Variants in EDNRB observed in about 807,000 individuals in gnomAD.
EDNRB encodes Hirschsprung disease 2.
A neutral mutation model predicts 46.4 loss-of-function variants in EDNRB; 18 were observed. The observed-to-expected ratio is 0.39, with a 90% CI of 0.27 to 0.57. The LOEUF (loss-of-function observed/expected upper bound fraction) is 0.57. Ranked by LOEUF, EDNRB falls within the 20% of genes least tolerant of loss-of-function variation. The pLI, the probability that EDNRB is intolerant of heterozygous loss-of-function variation, is 0.61. For missense variants in EDNRB, 434 were observed against 537.5 expected (o/e 0.81, Z 1.90); for synonymous variants, 213 against 204.9 (o/e 1.04, Z -0.34).
intron 1 of EDNRB, among the ~76,000 whole-genome samples, chr13:77,938,176 T>G (rs1015782120): frequency 1.4e-4 from 21 of 151,772 alleles, no homozygotes; most frequent in African/African-American, 5.1e-4. Context: ...TTGCCCATAG[T>G]GAAGGAGGCA....
At chr13:77,954,747 T>A (rs571690089) in intron 1 of EDNRB, among the ~76,000 whole-genome samples, 23 of 152,246 alleles carry the variant, frequency 1.5e-4, no homozygotes, top group African/African-American at 5.5e-4. Context: ...CCTCAGGTAG[T>A]CCACCTGCCT....
At chr13:77,932,797 C>A (rs1458158404) in intron 1 of EDNRB, among the ~76,000 whole-genome samples, 1 of 152,136 alleles carries the variant, frequency 6.6e-6, no homozygotes, top group African/African-American at 2.4e-5. Flanking sequence ...TCTTTCAATC[C>A]CATTTTAAAC....
In EDNRB at chr13:77,910,934, T is replaced by A. The variant is rs77635057; in HGVS notation, c.483+7157A>T. ...AACATAGAGATAGAAAACAATTTTT[T>A]AAAAATATTTCTTAAGAGAAATTGA... On this transcript the variant is annotated intron_variant, in intron 1 of 6. Coordinates refer to ENST00000646607, the MANE Select transcript of EDNRB (RefSeq NM_001122659.3). 6.9e-3 allele frequency among the ~76,000 whole-genome samples: 1,046 copies of A among 152,180 alleles called. 14 individuals are homozygous for A. The highest frequency in any genetic ancestry group is 0.024 in the African/African-American group (987 of 41,542).
At chr13:77,943,142 A>C (rs12720150) in intron 1 of EDNRB, among the ~76,000 whole-genome samples, 2,210 of 152,244 alleles carry the variant, frequency 0.015, 46 homozygotes, top group East Asian at 0.024. Flanking sequence ...TTTGATTTAA[A>C]TTGCCTGAAA....
At chr13:77,952,861 C>T (rs899416742) in intron 1 of EDNRB, among the ~76,000 whole-genome samples, 2 of 152,134 alleles carry the variant, frequency 1.3e-5, no homozygotes, top group African/African-American at 2.4e-5. Flanking sequence ...GCCTTGACCC[C>T]AGGCAAACTG....
At chr13:77,900,739 T>C in intron 4 of EDNRB, 85 bp from the exon 5 acceptor site, 1 of 1,580,366 alleles carries the variant, frequency 6.3e-7, no homozygotes, top group Non-Finnish European at 8.6e-7. Context: ...TTTAATATTG[T>C]CTACAAAAAG....
chr13:77,918,447 C>A lies in EDNRB; in HGVS notation c.127G>T (p.Ala43Ser), dbSNP rs200304077. The A allele has an allele frequency of 3.2e-6, 5 of 1,563,306 alleles. No homozygotes were observed. Among genetic ancestry groups the A allele is most frequent in the Admixed American group, 1.9e-5 (1 of 52,228 alleles). ...TTAGTGGGTGGCGTCATTATCTCTG[C>A]GGTTTGCAAAAGCGGAGTGGCCCTG... ...PDRATPLLQT[A>S]EIMTPPTKTL... The change falls in exon 1 of 7, where the codon GCA (alanine) becomes TCA (serine). Residue 43 changes from alanine (A) to serine (S), a missense_variant. Coordinates refer to ENST00000646607, the MANE Select transcript of EDNRB (RefSeq NM_001122659.3). The surrounding 1 kb of genome is among the most constrained non-coding windows in gnomAD (Gnocchi z 4.5).
At chr13:77,930,812 C>G (rs1451394532) in intron 1 of EDNRB, among the ~76,000 whole-genome samples, 1 of 152,178 alleles carries the variant, frequency 6.6e-6, no homozygotes, top group Non-Finnish European at 1.5e-5. Flanking sequence ...TGGCTAAATG[C>G]ATGCAGTGCC....
At chr13:77,950,302 G>C (rs1010700831) in intron 1 of EDNRB, among the ~76,000 whole-genome samples, 1 of 152,200 alleles carries the variant, frequency 6.6e-6, no homozygotes, top group Non-Finnish European at 1.5e-5. Context: ...AGTGGACAAA[G>C]GTTTCCCTTT....
chr13:77,914,833 G>C (rs188998733), intron 1 of EDNRB, among the ~76,000 whole-genome samples: 329 of 152,278 alleles, frequency 2.2e-3, no homozygotes, highest in Non-Finnish European at 3.1e-3. Context: ...TCCAATAAGA[G>C]CTATGACATT....
chr13:77,941,807 A>G (rs572116605), intron 1 of EDNRB, among the ~76,000 whole-genome samples: 29 of 152,356 alleles, frequency 1.9e-4, no homozygotes, highest in African/African-American at 6.7e-4. Context: ...TAATGCTTAA[A>G]TAAAGCAAAA....
At chr13:77,934,418 G>A (rs1276596968) in intron 1 of EDNRB, among the ~76,000 whole-genome samples, 1 of 152,118 alleles carries the variant, frequency 6.6e-6, no homozygotes, top group Non-Finnish European at 1.5e-5. Context: ...CTGAAAAACT[G>A]CTTGGCTGAT....
At position 77,904,675 on chromosome 13, in the gene EDNRB, C is replaced by A. The variant is rs1230515749; in HGVS notation, c.484-1068G>T. On this transcript the variant is annotated intron_variant, in intron 1 of 6. Transcript: ENST00000646607. ...CTTTATCTGACTGCAGACTATGAAA[C>A]CATCTATTATTAAATGTGGTTATTT... Among the ~76,000 whole-genome samples the A allele has an allele frequency of 2.0e-5, 3 of 151,666 alleles. No individual in the cohort carries two copies. In the East Asian group the frequency reaches 5.9e-4, roughly 30 times the overall value.
At chr13:77,934,842 G>A (rs1396540511) in intron 1 of EDNRB, among the ~76,000 whole-genome samples, 1 of 152,172 alleles carries the variant, frequency 6.6e-6, no homozygotes, top group African/African-American at 2.4e-5. Context: ...TTGCTGGTGT[G>A]TGGTGATTAT....
At chr13:77,919,455 C>A (rs368858906), upstream of EDNRB, 4 of 1,612,642 alleles carry the variant, frequency 2.5e-6, no homozygotes, top group Admixed American at 1.7e-5. Context: ...TCCCGGGAGG[C>A]GGAACCCAGC....
chr13:77,925,371 A>T (rs574192643), intron 1 of EDNRB, among the ~76,000 whole-genome samples: 1 of 152,306 alleles, frequency 6.6e-6, no homozygotes, highest in East Asian at 1.9e-4. Flanking sequence ...TCTATTTTTT[A>T]ATAGAGGTAT....
intron 1 of EDNRB, among the ~76,000 whole-genome samples, chr13:77,962,570 GC>G (rs1248981940): frequency 4.6e-5 from 7 of 152,064 alleles, no homozygotes; most frequent in Non-Finnish European, 4.4e-5. Context: ...AAATTCAACA[GC>G]CCTTCATGCT....
upstream of EDNRB, chr13:77,918,893 T>C (rs1486312306): frequency 1.6e-6 from 2 of 1,244,796 alleles, no homozygotes; most frequent in Non-Finnish European, 2.0e-6. The surrounding 1 kb of genome is among the most constrained non-coding windows in gnomAD (Gnocchi z 4.5). Flanking sequence ...GGAAGGGGTG[T>C]GCCAGGGAGG....
At chr13:77,967,095 A>G (rs911968704) in intron 1 of EDNRB, among the ~76,000 whole-genome samples, 2 of 152,296 alleles carry the variant, frequency 1.3e-5, no homozygotes, top group Admixed American at 6.5e-5. Context: ...TAAAGTCCCT[A>G]TTAATTAAGA....
Sources: allele counts gnomAD v4.1 joint callset (sites outside exome capture counted in the v4.1 genomes callset), GRCh38; gene constraint gnomAD v4.1.1; non-coding constraint Gnocchi (gnomAD v3.1); transcripts MANE v1.5; gene names NCBI Gene and HGNC (gene_info 2026-07-23, HGNC 2026-07-21).